Variants in CADM1 observed in about 807,000 individuals in gnomAD.
CADM1 encodes cell adhesion molecule 1.
Under a neutral mutation model 53.1 loss-of-function variants are expected in CADM1, and 15 were observed. The ratio of observed to expected loss-of-function variants is 0.28; its 90% confidence interval spans 0.19 to 0.44. The LOEUF (loss-of-function observed/expected upper bound fraction) is 0.44, where lower values mean the gene tolerates loss of function less well. Among genes scored for constraint, CADM1 ranks in the 20% least tolerant of loss-of-function variants. The pLI, the probability that CADM1 is intolerant of heterozygous loss-of-function variation, is 1.00. For missense variants in CADM1, 434 were observed against 611.3 expected (o/e 0.71, Z 3.06); for synonymous variants, 281 against 243.0 (o/e 1.16, Z -1.45).
chr11:115,452,048 T>A (rs1948583394), intron 1 of CADM1, among the ~76,000 whole-genome samples: 1 of 150,318 alleles, frequency 6.7e-6, no homozygotes, highest in Non-Finnish European at 1.5e-5. Flanking sequence ...TTACAAGATA[T>A]GTCCTCCCAG....
intron 1 of CADM1, among the ~76,000 whole-genome samples, chr11:115,431,891 CTGTT>C (rs921678479): frequency 1.4e-4 from 21 of 151,552 alleles, no homozygotes; most frequent in South Asian, 2.1e-4. Context: ...ATTTGTGTGA[CTGTT>C]TGGTTAATAA....
At chr11:115,391,182 A>T (rs45470105) in intron 1 of CADM1, among the ~76,000 whole-genome samples, 5,762 of 152,348 alleles carry the variant, frequency 0.038, 162 homozygotes, top group Middle Eastern at 0.092. Context: ...TATAAAAAAA[A>T]TGAGTACAAT....
chr11:115,316,701 A>G (rs1297151405), intron 1 of CADM1, among the ~76,000 whole-genome samples: 1 of 152,202 alleles, frequency 6.6e-6, no homozygotes, highest in Non-Finnish European at 1.5e-5. Context: ...ATGCAATGAT[A>G]CAAATGCCAA....
chr11:115,452,040 A>C (rs1948583261), intron 1 of CADM1, among the ~76,000 whole-genome samples: 1 of 151,988 alleles, frequency 6.6e-6, no homozygotes, highest in South Asian at 2.1e-4. Flanking sequence ...GGATTAACTT[A>C]CAAGATATGT....
chr11:115,481,403 G>T (rs1012375717), intron 1 of CADM1, among the ~76,000 whole-genome samples: 1 of 152,108 alleles, frequency 6.6e-6, no homozygotes, highest in Non-Finnish European at 1.5e-5. Context: ...AAAGTCTCTT[G>T]ACAGCCCCTT....
At chr11:115,315,234 C>A (rs1369752563) in intron 1 of CADM1, among the ~76,000 whole-genome samples, 1 of 152,246 alleles carries the variant, frequency 6.6e-6, no homozygotes, top group East Asian at 1.9e-4. Context: ...CCCACTGAGG[C>A]AAAATTAAAC....
chr11:115,444,699 C>CA (rs1305654157), intron 1 of CADM1, among the ~76,000 whole-genome samples: 1 of 152,164 alleles, frequency 6.6e-6, no homozygotes, highest in African/African-American at 2.4e-5. Flanking sequence ...GAGACTAGGC[C>CA]ATTGGTCCCA....
chr11:115,502,911 C>G (rs1565458792), intron 1 of CADM1, among the ~76,000 whole-genome samples: 1 of 152,208 alleles, frequency 6.6e-6, no homozygotes, highest in Non-Finnish European at 1.5e-5. Flanking sequence ...CCGCCCGGGC[C>G]TGGGGCTCCG....
chr11:115,377,341 G>C (rs2135143291), intron 1 of CADM1: 1 of 152,178 alleles, frequency 6.6e-6, no homozygotes, highest in Admixed American at 6.5e-5. Flanking sequence ...CTTCTGAGAG[G>C]TCTGGTGTGT....
intron 1 of CADM1, among the ~76,000 whole-genome samples, chr11:115,493,690 A>C (rs1244966074): frequency 6.6e-6 from 1 of 152,154 alleles, no homozygotes; most frequent in African/African-American, 2.4e-5. Flanking sequence ...GTTACAAGGA[A>C]GTTGGCAGTA....
At chr11:115,196,623 A>AAAAAAG (rs1565291008) in intron 9 of CADM1, among the ~76,000 whole-genome samples, 1 of 140,146 alleles carries the variant, frequency 7.1e-6, no homozygotes, top group African/African-American at 2.7e-5. Context: ...AAAAAAAATC[A>AAAAAAG]CAAAACAATC....
chr11:115,299,805 A>G (rs1459525823), intron 1 of CADM1, among the ~76,000 whole-genome samples: 1 of 152,058 alleles, frequency 6.6e-6, no homozygotes, highest in East Asian at 1.9e-4. Context: ...TTTAGCCGCC[A>G]TTTTCTCTTA....
chr11:115,201,935 A>C (rs1940447850), intron 8 of CADM1, among the ~76,000 whole-genome samples: 1 of 152,208 alleles, frequency 6.6e-6, no homozygotes, highest in Non-Finnish European at 1.5e-5. Context: ...TACGGTCTTA[A>C]CAGTCACTCT....
At chr11:115,342,436 A>G (rs913987177) in intron 1 of CADM1, among the ~76,000 whole-genome samples, 3 of 152,170 alleles carry the variant, frequency 2.0e-5, no homozygotes, top group Non-Finnish European at 2.9e-5. Context: ...GAGATTCTAC[A>G]TGGAGGAACA....
chr11:115,312,413 G>A (rs2135165629), intron 1 of CADM1, among the ~76,000 whole-genome samples: 2 of 152,172 alleles, frequency 1.3e-5, no homozygotes, highest in South Asian at 4.2e-4. Context: ...TTACCGGAGG[G>A]TAGGATGCTA....
Position 115,478,776 on chromosome 11 carries a change from C to A in CADM1, c.124+25495G>T, listed in dbSNP as rs12292798. ...AGATTAATTATATATAAAATACTTA[C>A]ACAGTGTTCTACAGTATGCTTTTCT... On this transcript the variant is annotated intron_variant, in intron 1 of 11. Coordinates refer to ENST00000331581, the MANE Select transcript of CADM1 (RefSeq NM_001301043.2). Among the ~76,000 whole-genome samples the A allele has an allele frequency of 5.3e-3, 814 of 152,230 alleles. 3 individuals carry two copies. The highest frequency in any genetic ancestry group is 0.019 in the African/African-American group (784 of 41,550).
intron 1 of CADM1, among the ~76,000 whole-genome samples, chr11:115,324,036 GA>G (rs11308404): frequency 1 from 152,222 of 152,222 alleles, 76,111 homozygotes; most frequent in Non-Finnish European, 1. Context: ...GATGCTGTGG[GA>G]AAAAGAAAGA....
intron 1 of CADM1, among the ~76,000 whole-genome samples, chr11:115,503,118 CGCGGCTGCCAAGCGCGGCGAG>C (rs1003405628): frequency 2.0e-5 from 3 of 152,152 alleles, no homozygotes; most frequent in Admixed American, 6.5e-5. Context: ...GAGGACGCCG[CGCGGCTGCCAAGCGCGGCGAG>C]GTGGCGGGAA....
intron 9 of CADM1, among the ~76,000 whole-genome samples, chr11:115,197,752 ACATGGTAT>A (rs1940226405): frequency 6.6e-6 from 1 of 152,232 alleles, no homozygotes; most frequent in African/African-American, 2.4e-5. Context: ...TAAAATTGAC[ACATGGTAT>A]CATTCTTGGT....
Sources: allele counts gnomAD v4.1 joint callset (sites outside exome capture counted in the v4.1 genomes callset), GRCh38; gene constraint gnomAD v4.1.1; transcripts MANE v1.5; gene names NCBI Gene and HGNC (gene_info 2026-07-23, HGNC 2026-07-21).